The following HNRNPH3 variants were observed in gnomAD, a reference collection of about 807,000 sequenced individuals.
HNRNPH3 encodes the protein heterogeneous nuclear ribonucleoprotein H3.
A neutral mutation model predicts 47.0 loss-of-function variants in HNRNPH3; 7 were observed. That is an observed-to-expected ratio of 0.15 (90% CI 0.08 to 0.28). HNRNPH3 has a LOEUF of 0.28. HNRNPH3 is among the 10% of genes least tolerant of loss of function. The pLI, the probability that HNRNPH3 is intolerant of heterozygous loss-of-function variation, is 1.00. For missense variants in HNRNPH3, 279 were observed against 449.6 expected (o/e 0.62, Z 3.43); for synonymous variants, 120 against 143.2 (o/e 0.84, Z 1.16).
At chr10:68,333,331 A>G (rs1396211021) in intron 1 of HNRNPH3, among the ~76,000 whole-genome samples, 1 of 152,118 alleles carries the variant, frequency 6.6e-6, no homozygotes, top group Admixed American at 6.5e-5. Flanking sequence ...TGGCGTATAT[A>G]TGTTAGAATT....
chr10:68,342,258 T>C lies in HNRNPH3; in HGVS notation c.*204T>C, dbSNP rs1206189665. On this transcript the variant is annotated 3_prime_UTR_variant, in exon 10 of 10. Coordinates refer to ENST00000265866, the MANE Select transcript of HNRNPH3 (RefSeq NM_012207.3). ...TTGCATACTTTGACTTAAAAATAAA[T>C]TTTTATATTCAAACCACTGATGTTG... is the stretch of plus-strand genomic sequence containing the variant. 1 of 490,864 alleles carries C rather than the reference T, an allele frequency of 2.0e-6. No homozygotes were observed. Among genetic ancestry groups the C allele is most frequent in the Non-Finnish European group, 3.6e-6 (1 of 277,182 alleles). The allele number at this position is 490,864 out of a possible 1,614,324, so 30.4% of individuals were successfully genotyped here. A position where few individuals can be genotyped will look rare whatever the true frequency, so the allele number is the denominator to read the frequency against.
At chr10:68,341,551 T>C in intron 7 of HNRNPH3, 34 bp from the exon 8 acceptor site, 4 of 1,394,488 alleles carry the variant, frequency 2.9e-6, no homozygotes, top group Non-Finnish European at 4.0e-6. Flanking sequence ...CATCATTCCT[T>C]TCTCCCCTGT....
chr10:68,331,796 G>C (rs1196652479), upstream of HNRNPH3: 2 of 152,520 alleles, frequency 1.3e-5, no homozygotes, highest in Non-Finnish European at 2.9e-5. Flanking sequence ...CCATCGCCCC[G>C]AGGCGGCAGA....
Position 68,337,009 on chromosome 10 carries a change from G to T in HNRNPH3, c.-23-190G>T, listed in dbSNP as rs2045579079. On this transcript the variant is annotated intron_variant, in intron 1 of 9. Transcript: ENST00000265866. This position sits in a 1 kb window ranked among gnomAD's most constrained non-coding sequence, Gnocchi z 4.5. ...ATTCAGTACTTTTCCGTAGGAGGGG[G>T]TCAGGTCTCATTGCCTTTTCCGTAC... 2 of 466,616 alleles carry T rather than the reference G, an allele frequency of 4.3e-6. No individual in the cohort carries two copies. The highest frequency in any genetic ancestry group is 8.2e-5 in the South Asian group (2 of 24,404). 28.9% of individuals were successfully genotyped at this position (466,616 alleles called of 1,614,324 possible). A position where few individuals can be genotyped will look rare whatever the true frequency, so the allele number is the denominator to read the frequency against.
At chr10:68,339,067 G>GT in intron 4 of HNRNPH3, 73 bp from the exon 5 acceptor site, 1 of 1,229,932 alleles carries the variant, frequency 8.1e-7, no homozygotes, top group Non-Finnish European at 1.2e-6. Context: ...ACCACAAAAT[G>GT]TTTTTGTAAA....
At position 68,342,848 on chromosome 10, in the gene HNRNPH3, A is replaced by T. The variant is rs1260244444; in HGVS notation, c.*794A>T. On this transcript the variant is annotated 3_prime_UTR_variant, in exon 10 of 10. Coordinates refer to ENST00000265866, the MANE Select transcript of HNRNPH3 (RefSeq NM_012207.3). ...TTAAGTACATAGGTATTTACTATGGAGTATAATTCTCACAATTGTATTTTC... is the reference window on the plus strand; with the variant it reads ...TTAAGTACATAGGTATTTACTATGGTGTATAATTCTCACAATTGTATTTTC... 6.6e-6 allele frequency: 1 copy of T among 152,514 alleles called. No homozygotes were observed. The highest frequency in any genetic ancestry group is 1.9e-4 in the East Asian group (1 of 5,206). 9.4% of individuals were successfully genotyped at this position (152,514 alleles called of 1,614,324 possible).
At chr10:68,331,832 T>C (rs1203421927), upstream of HNRNPH3, 1 of 152,392 alleles carries the variant, frequency 6.6e-6, no homozygotes, top group Non-Finnish European at 1.5e-5. Context: ...AACTGGATGG[T>C]TCTAACGTAA....
rs557151626 is a variant in HNRNPH3 at position 68,336,048 on chromosome 10, C to G, written c.-23-1151C>G. Reference sequence around the variant, plus strand: ...TGAATTCTAGGGAAAAATATTTTACCCTTTGCAGATGCCACCCCTAAGAGA... The same window carrying G: ...TGAATTCTAGGGAAAAATATTTTACGCTTTGCAGATGCCACCCCTAAGAGA... On this transcript the variant is annotated intron_variant, in intron 1 of 9. Transcript: ENST00000265866. 6.6e-5 allele frequency among the ~76,000 whole-genome samples: 10 copies of G among 152,112 alleles called. No individual in the cohort carries two copies. In the East Asian group the frequency reaches 1.9e-3, roughly 29 times the overall value.
intron 7 of HNRNPH3, 106 bp downstream of exon 7, chr10:68,341,415 C>A: frequency 8.1e-7 from 1 of 1,231,594 alleles, no homozygotes; most frequent in Non-Finnish European, 1.2e-6. Flanking sequence ...GGATTTAAAA[C>A]CATTTGACCT....
chr10:68,341,373 T>C, intron 7 of HNRNPH3, 64 bp downstream of exon 7: 1 of 1,510,116 alleles, frequency 6.6e-7, no homozygotes, highest in Non-Finnish European at 9.0e-7. Context: ...TAAGAGGCTC[T>C]AAGATCTGTA....
intron 1 of HNRNPH3, among the ~76,000 whole-genome samples, chr10:68,336,462 T>A (rs2045550652): frequency 6.6e-6 from 1 of 152,204 alleles, no homozygotes; most frequent in Admixed American, 6.5e-5. Flanking sequence ...TCTATTTGAT[T>A]AAAAATTTGA....
At chr10:68,341,386 T>A (rs2045925550) in intron 7 of HNRNPH3, 77 bp downstream of exon 7, 1 of 1,454,204 alleles carries the variant, frequency 6.9e-7, no homozygotes, top group South Asian at 1.2e-5. Flanking sequence ...GATCTGTAGG[T>A]AACGCTTGGC....
intron 1 of HNRNPH3, among the ~76,000 whole-genome samples, chr10:68,332,474 C>A (rs548925723): frequency 6.6e-6 from 1 of 152,248 alleles, no homozygotes; most frequent in East Asian, 1.9e-4. Flanking sequence ...CAGCATTTTC[C>A]CCTTTCCCTG....
At position 68,343,069 on chromosome 10, in the gene HNRNPH3, A is replaced by G. The variant is rs945127083; in HGVS notation, c.*1015A>G. 7 of 152,198 alleles carry G rather than the reference A, an allele frequency of 4.6e-5. No individual in the cohort carries two copies. Among genetic ancestry groups the G allele is most frequent in the Non-Finnish European group, 1.0e-4 (7 of 68,022 alleles). 9.4% of individuals were successfully genotyped at this position (152,198 alleles called of 1,614,324 possible). ...TTTTTAATTTTAATCCCTTTGATCA[A>G]TATGGCTTTTTTCCAAATTGGCTAA... On this transcript the variant is annotated 3_prime_UTR_variant, in exon 10 of 10. Coordinates refer to ENST00000265866, the MANE Select transcript of HNRNPH3 (RefSeq NM_012207.3).
intron 1 of HNRNPH3, chr10:68,336,852 G>T (rs975713127): frequency 1.1e-4 from 19 of 177,520 alleles, no homozygotes; most frequent in Non-Finnish European, 1.8e-4. Context: ...CTGAAAAGTG[G>T]TGAATGAAAA....
At position 68,337,784 on chromosome 10, in the gene HNRNPH3, A is replaced by T. The variant is rs948082384; in HGVS notation, c.113-74A>T. ...TGTTTTGTTTAGACTTGTTTTAAAT[A>T]TTTGATTCAGATGGGAATGTTTCAG... On this transcript the variant is annotated intron_variant, in intron 2 of 9. Coordinates refer to ENST00000265866, the MANE Select transcript of HNRNPH3 (RefSeq NM_012207.3). This position sits in a 1 kb window ranked among gnomAD's most constrained non-coding sequence, Gnocchi z 4.5. The T allele has an allele frequency of 7.8e-6, 10 of 1,289,250 alleles. No homozygotes were observed. The highest frequency in any genetic ancestry group is 1.1e-5 in the Non-Finnish European group (10 of 927,464). 79.9% of individuals were successfully genotyped at this position (1,289,250 alleles called of 1,614,324 possible).
At chr10:68,339,369 T>C in intron 5 of HNRNPH3, 71 bp from the exon 6 acceptor site, 4 of 1,506,940 alleles carry the variant, frequency 2.7e-6, no homozygotes, top group Non-Finnish European at 3.7e-6. Context: ...TTATACCTTG[T>C]ATAGTATGTA....
chr10:68,335,673 AG>A (rs1383431817), intron 1 of HNRNPH3, among the ~76,000 whole-genome samples: 1 of 152,090 alleles, frequency 6.6e-6, no homozygotes, highest in African/African-American at 2.4e-5. Flanking sequence ...TGGCTTTTGC[AG>A]GGCCCCTTAA....
rs961381500 is a variant in HNRNPH3 at position 68,337,393 on chromosome 10, C to G, written c.112+60C>G. 3.7e-6 allele frequency: 4 copies of G among 1,083,980 alleles called. No individual in the cohort carries two copies. The Admixed American group carries it at 7.7e-5, about 21-fold the overall frequency. The allele number at this position is 1,083,980 out of a possible 1,614,324, so 67.1% of individuals were successfully genotyped here. Reference sequence around the variant, plus strand: ...GTAATTTTATATTTGTATTGTTTTACTGTTTTTAATTTGTAAAACCCATTT... The same window carrying G: ...GTAATTTTATATTTGTATTGTTTTAGTGTTTTTAATTTGTAAAACCCATTT... On this transcript the variant is annotated intron_variant, in intron 2 of 9. Transcript: ENST00000265866. The surrounding 1 kb of genome is among the most constrained non-coding windows in gnomAD (Gnocchi z 4.5).
Sources: gnomAD v4.1 joint callset for allele counts (sites outside exome capture counted in the v4.1 genomes callset) on GRCh38, gnomAD v4.1.1 for gene constraint, Gnocchi (gnomAD v3.1) non-coding constraint, MANE v1.5 for transcripts, NCBI Gene and HGNC (gene_info 2026-07-23, HGNC 2026-07-21) for gene names.